Variants in PHLPP1 observed in about 807,000 individuals in gnomAD.
PHLPP1 encodes the protein PH domain and leucine rich repeat protein phosphatase 1, also known as PH domain leucine-rich repeat-containing protein phosphatase 1.
Under a neutral mutation model 117.2 loss-of-function variants are expected in PHLPP1, and 42 were observed. The ratio of observed to expected loss-of-function variants is 0.36; its 90% CI spans 0.28 to 0.46. The LOEUF is 0.46. PHLPP1 is among the 20% of genes least tolerant of loss of function. PHLPP1 has a pLI of 1.00. For synonymous variants in PHLPP1, 1,042 were observed against 970.7 expected, an observed-to-expected ratio of 1.07 and a Z score of -1.37; for missense variants, 2,084 against 2,241.9, an observed-to-expected ratio of 0.93 and a Z score of 1.42.
chr18:62,966,465 A>ATTTT (rs3087157), intron 14 of PHLPP1, among the ~76,000 whole-genome samples: 7 of 109,050 alleles, frequency 6.4e-5, no homozygotes, highest in Non-Finnish European at 8.7e-5. Context: ...AGTTCTACAA[A>ATTTT]TTTTTTTTTT....
At chr18:62,831,460 C>T (rs996158474) in intron 2 of PHLPP1, among the ~76,000 whole-genome samples, 2 of 151,922 alleles carry the variant, frequency 1.3e-5, no homozygotes, top group East Asian at 1.9e-4. Context: ...GCCTCAGCCT[C>T]CCAAGTAGCT....
At chr18:62,783,568 TAACA>T (rs2144281731) in intron 1 of PHLPP1, among the ~76,000 whole-genome samples, 1 of 152,338 alleles carries the variant, frequency 6.6e-6, no homozygotes, top group South Asian at 2.1e-4. Flanking sequence ...ATGGTTATTG[TAACA>T]AGAAGCTATT....
chr18:62,879,673 A>G (rs1189925243), intron 4 of PHLPP1, among the ~76,000 whole-genome samples: 2 of 152,036 alleles, frequency 1.3e-5, no homozygotes, highest in African/African-American at 4.8e-5. Context: ...CTCCCAAAGT[A>G]CTGGGATTAC....
At chr18:62,946,726 C>T (rs1362338535) in intron 12 of PHLPP1, among the ~76,000 whole-genome samples, 1 of 152,192 alleles carries the variant, frequency 6.6e-6, no homozygotes, top group African/African-American at 2.4e-5. Context: ...CTGTCTCATA[C>T]ATCACAGTGG....
At chr18:62,919,079 A>G (rs1200770144) in intron 9 of PHLPP1, among the ~76,000 whole-genome samples, 1 of 152,170 alleles carries the variant, frequency 6.6e-6, no homozygotes, top group Non-Finnish European at 1.5e-5. Flanking sequence ...GCAGATTAAT[A>G]AATTAATTTA....
At chr18:62,869,807 G>C (rs1180033391) in intron 4 of PHLPP1, among the ~76,000 whole-genome samples, 2 of 152,150 alleles carry the variant, frequency 1.3e-5, no homozygotes, top group Non-Finnish European at 2.9e-5. Flanking sequence ...TAGGCCTAGG[G>C]GACTTCCTAT....
intron 1 of PHLPP1, among the ~76,000 whole-genome samples, chr18:62,810,696 CAGAA>C (rs1354467064): frequency 6.6e-6 from 1 of 152,148 alleles, no homozygotes; most frequent in Non-Finnish European, 1.5e-5. Flanking sequence ...ACTGAAATCA[CAGAA>C]AGCGAAATCA....
At chr18:62,918,078 C>T (rs1243980914) in intron 9 of PHLPP1, among the ~76,000 whole-genome samples, 2 of 150,972 alleles carry the variant, frequency 1.3e-5, no homozygotes, top group African/African-American at 4.9e-5. Flanking sequence ...TGGTGGTGCA[C>T]GCCTGTAGTC....
intron 9 of PHLPP1, among the ~76,000 whole-genome samples, chr18:62,916,605 G>GTGTGTGTGTGTGT (rs1909283535): frequency 1.3e-4 from 19 of 145,846 alleles, no homozygotes; most frequent in African/African-American, 3.5e-4. Context: ...CAAGAGGGTG[G>GTGTGTGTGTGTGT]GTGTGTGTGT....
intron 1 of PHLPP1, among the ~76,000 whole-genome samples, chr18:62,749,877 A>G (rs914334923): frequency 1.3e-5 from 2 of 152,124 alleles, no homozygotes; most frequent in Non-Finnish European, 2.9e-5. Context: ...TTAGCTGGGT[A>G]TGGTGGCACA....
At chr18:62,864,194 G>A (rs1275036066) in intron 4 of PHLPP1, among the ~76,000 whole-genome samples, 1 of 151,828 alleles carries the variant, frequency 6.6e-6, no homozygotes, top group Non-Finnish European at 1.5e-5. Flanking sequence ...GCTAATTTTT[G>A]TATTTTTAGT....
intron 1 of PHLPP1, among the ~76,000 whole-genome samples, chr18:62,790,606 G>A: frequency 6.6e-6 from 1 of 152,104 alleles, no homozygotes; most frequent in East Asian, 1.9e-4. Flanking sequence ...ATTATTGTTA[G>A]CAGCTATCAG....
At chr18:62,770,603 A>G (rs769734061) in intron 1 of PHLPP1, among the ~76,000 whole-genome samples, 56 of 152,308 alleles carry the variant, frequency 3.7e-4, no homozygotes, top group Admixed American at 9.8e-4. Flanking sequence ...TTGGTGATGC[A>G]TCGGTTCTTG....
intron 4 of PHLPP1, among the ~76,000 whole-genome samples, chr18:62,880,419 T>C (rs1916148194): frequency 6.6e-6 from 1 of 152,210 alleles, no homozygotes; most frequent in Non-Finnish European, 1.5e-5. Flanking sequence ...GAGTGGGATT[T>C]TATCCAAGTA....
At chr18:62,887,070 G>A (rs1599102796) in intron 4 of PHLPP1, among the ~76,000 whole-genome samples, 1 of 152,130 alleles carries the variant, frequency 6.6e-6, no homozygotes, top group Non-Finnish European at 1.5e-5. Flanking sequence ...TGCTACTCTT[G>A]GTAGGGGAAA....
chr18:62,967,036 T>C (rs562867791), intron 14 of PHLPP1, among the ~76,000 whole-genome samples: 2 of 152,374 alleles, frequency 1.3e-5, no homozygotes, highest in African/African-American at 2.4e-5. Context: ...ATTTGTACTA[T>C]TGCATGTGTC....
chr18:62,753,230 T>G (rs1911913208), intron 1 of PHLPP1, among the ~76,000 whole-genome samples: 1 of 152,202 alleles, frequency 6.6e-6, no homozygotes. Flanking sequence ...TTAGGTAAAG[T>G]TCTCTTTTTT....
In PHLPP1 at chr18:62,838,791, A is replaced by G. The variant is rs771589549; in HGVS notation, c.1781A>G (p.Glu594Gly). The change falls in exon 3 of 17, where the codon GAA (glutamate) becomes GGA (glycine). Residue 594 changes from glutamate (E) to glycine (G), a missense_variant. Glu to Gly is a moderately conservative substitution (Grantham distance 98, BLOSUM62 -2). Coordinates refer to ENST00000262719, the MANE Select transcript of PHLPP1 (RefSeq NM_194449.4). Reference sequence around the variant, plus strand: ...CTCTGTTTGCTTTTATAGGTAGAAGAAGTGAAAAAGCACCAACACTGTTTA... The same window carrying G: ...CTCTGTTTGCTTTTATAGGTAGAAGGAGTGAAAAAGCACCAACACTGTTTA... ...VLPLIGGKVE[E>G]VKKHQHCLAF... 2 of 1,613,824 alleles carry G rather than the reference A, an allele frequency of 1.2e-6. No homozygotes were observed. The highest frequency in any genetic ancestry group is 1.7e-5 in the Admixed American group (1 of 60,012).
At chr18:62,936,467 CAG>C (rs1161575322) in intron 10 of PHLPP1, among the ~76,000 whole-genome samples, 1 of 152,134 alleles carries the variant, frequency 6.6e-6, no homozygotes, top group Non-Finnish European at 1.5e-5. Flanking sequence ...GTATGAGAAA[CAG>C]AAGAGTTTCA....
Sources: allele counts gnomAD v4.1 joint callset (sites outside exome capture counted in the v4.1 genomes callset), GRCh38; gene constraint gnomAD v4.1.1; transcripts MANE v1.5; gene names NCBI Gene and HGNC (gene_info 2026-07-23, HGNC 2026-07-21).